VPS8: variants seen among roughly 807,000 people sequenced by gnomAD.
The protein encoded by VPS8 is vacuolar protein sorting-associated protein 8 homolog.
VPS8 carries 129 observed loss-of-function variants against 216.4 expected under a neutral mutation model. The observed-to-expected ratio is 0.60, with a 90% CI of 0.52 to 0.69. The LOEUF (loss-of-function observed/expected upper bound fraction) is 0.69. Ranked by LOEUF, VPS8 falls within the 30% of genes least tolerant of loss-of-function variation. The probability of loss-of-function intolerance (pLI) is 0.00; values close to 1 mark genes in which losing one functional copy is unlikely to be tolerated. For missense variants in VPS8, 1,531 were observed against 1,683.5 expected (o/e 0.91, Z 1.59); for synonymous variants, 571 against 565.4 (o/e 1.01, Z -0.14).
chr3:184,944,866 G>A (rs1275278644), intron 36 of VPS8, among the ~76,000 whole-genome samples: 30 of 152,106 alleles, frequency 2.0e-4, no homozygotes, highest in Admixed American at 2.0e-3. Context: ...CAGTGTTGCT[G>A]TGGATATTTT....
intron 42 of VPS8, among the ~76,000 whole-genome samples, chr3:184,989,610 T>C (rs1751600417): frequency 1.3e-5 from 2 of 152,180 alleles, no homozygotes; most frequent in African/African-American, 4.8e-5. Context: ...ATACCTGGGA[T>C]AAATCCCACT....
At chr3:184,892,927 C>G (rs769544420) in intron 22 of VPS8, among the ~76,000 whole-genome samples, 3 of 152,126 alleles carry the variant, frequency 2.0e-5, no homozygotes, top group Non-Finnish European at 4.4e-5. Context: ...TTCTTTGAAT[C>G]ATTGGTTATC....
In VPS8 at chr3:184,855,802, T is replaced by A; in HGVS notation, c.1127T>A (p.Val376Asp). 1 of 1,612,854 alleles carries A rather than the reference T, an allele frequency of 6.2e-7. No homozygotes were observed. The highest frequency in any genetic ancestry group is 8.5e-7 in the Non-Finnish European group (1 of 1,179,470). Residue 376 changes from valine (V) to aspartate (D), a missense_variant, in exon 14 of 48, where the codon GTT becomes GAT. Physicochemically the swap from Val to Asp is radical, Grantham distance 152. Coordinates refer to ENST00000625842, the MANE Select transcript of VPS8 (RefSeq NM_001009921.3). The stretch of plus-strand genomic sequence containing the variant: ...ATGCTTGCCTTCTGCAGAGGAGATG[T>A]TGTTCATTTTCTATTGGTAAGTCCT... ...NPMLAFCRGD[V>D]VHFLLVKRDE...
intron 42 of VPS8, among the ~76,000 whole-genome samples, chr3:184,988,133 CAG>C (rs1428344494): frequency 2.0e-5 from 3 of 152,206 alleles, no homozygotes; most frequent in Non-Finnish European, 2.9e-5. Context: ...ATTCTCTTAA[CAG>C]TGTGTTTCAC....
intron 1 of VPS8, among the ~76,000 whole-genome samples, chr3:184,820,368 CTT>C (rs1717311384): frequency 6.6e-6 from 1 of 152,174 alleles, no homozygotes; most frequent in Admixed American, 6.5e-5. Flanking sequence ...TGTCACATCT[CTT>C]TCTCTGGCGT....
In VPS8 at chr3:185,052,149, G is replaced by A. The variant is rs1175434970; in HGVS notation, c.*124G>A. On this transcript the variant is annotated 3_prime_UTR_variant, in exon 48 of 48. Coordinates refer to ENST00000625842, the MANE Select transcript of VPS8 (RefSeq NM_001009921.3). ...GCTTCTGAGAAGAGGTTCCAAATTG[G>A]GCTTCTGTGCCCAGAGCGTCCACAG... 2 of 1,161,656 alleles carry A rather than the reference G, an allele frequency of 1.7e-6. No homozygotes were observed. The highest frequency in any genetic ancestry group is 2.3e-6 in the Non-Finnish European group (2 of 854,574). The allele number at this position is 1,161,656 out of a possible 1,614,324, so 72.0% of individuals were successfully genotyped here. A position where few individuals can be genotyped will look rare whatever the true frequency, so the allele number is the denominator to read the frequency against.
chr3:184,927,750 C>T (rs1739928228), intron 31 of VPS8, among the ~76,000 whole-genome samples: 1 of 152,144 alleles, frequency 6.6e-6, no homozygotes, highest in Admixed American at 6.5e-5. Flanking sequence ...TTTTCTCCTC[C>T]CCAGCCCTTA....
At chr3:184,841,177 A>G (rs1039567221) in intron 7 of VPS8, among the ~76,000 whole-genome samples, 1 of 152,218 alleles carries the variant, frequency 6.6e-6, no homozygotes, top group African/African-American at 2.4e-5. Context: ...GTTGATATAT[A>G]GTCATAGTAG....
intron 43 of VPS8, among the ~76,000 whole-genome samples, chr3:184,995,675 G>A (rs1752521409): frequency 6.6e-6 from 1 of 152,150 alleles, no homozygotes; most frequent in Non-Finnish European, 1.5e-5. Flanking sequence ...ATGAGATACA[G>A]TACAAAAACA....
intron 46 of VPS8, among the ~76,000 whole-genome samples, chr3:185,036,931 T>C (rs1320398669): frequency 6.6e-6 from 1 of 152,130 alleles, no homozygotes; most frequent in African/African-American, 2.4e-5. Context: ...TATATTACAT[T>C]TCTACATATT....
At chr3:184,898,425 G>A (rs1338867505) in intron 23 of VPS8, 140 bp from the exon 24 acceptor site, 13 of 692,790 alleles carry the variant, frequency 1.9e-5, no homozygotes, top group Admixed American at 5.8e-5. Flanking sequence ...TTGTGTTTGA[G>A]TACTTGAATT....
chr3:184,884,926 TCCTCCTG>T (rs1040454037), intron 21 of VPS8, among the ~76,000 whole-genome samples: 1 of 152,210 alleles, frequency 6.6e-6, no homozygotes, highest in Non-Finnish European at 1.5e-5. Flanking sequence ...TCTAGGGAAG[TCCTCCTG>T]CCACCAACTC....
intron 37 of VPS8, among the ~76,000 whole-genome samples, chr3:184,962,558 T>C (rs1406146034): frequency 6.6e-6 from 1 of 152,180 alleles, no homozygotes; most frequent in South Asian, 2.1e-4. Context: ...TTCTGTTGAG[T>C]TTCTGTGTTT....
chr3:184,891,312 G>A (rs759252981), intron 22 of VPS8, among the ~76,000 whole-genome samples: 2 of 152,082 alleles, frequency 1.3e-5, no homozygotes, highest in Non-Finnish European at 2.9e-5. Context: ...GTTCACTCAT[G>A]TTGTTCAACA....
At position 184,930,566 on chromosome 3, in the gene VPS8, G is replaced by A; in HGVS notation, c.2896G>A (p.Glu966Lys). 1.2e-6 allele frequency: 2 copies of A among 1,610,988 alleles called. No individual in the cohort carries two copies. The highest frequency in any genetic ancestry group is 1.7e-6 in the Non-Finnish European group (2 of 1,177,264). Residue 966 changes from glutamate to lysine, a missense_variant and splice_region_variant, in exon 34 of 48, where the codon GAG becomes AAG. Physicochemically the swap from Glu to Lys is moderately conservative, Grantham distance 56. Coordinates refer to ENST00000625842, the MANE Select transcript of VPS8 (RefSeq NM_001009921.3). ...SVWQKAMDHIEELVSLKPCKA... is the reference protein window; with the variant it reads ...SVWQKAMDHIKELVSLKPCKA... ...ATGGCAGAAAGCAATGGATCATATT[G>A]AGGTACTGATGCGCAAAACTTCACA...
intron 37 of VPS8, among the ~76,000 whole-genome samples, chr3:184,961,274 A>AT (rs1746458100): frequency 6.6e-6 from 1 of 152,092 alleles, no homozygotes; most frequent in Non-Finnish European, 1.5e-5. Flanking sequence ...TTTAACATTT[A>AT]TTTTTCAGCT....
intron 45 of VPS8, among the ~76,000 whole-genome samples, chr3:185,001,593 GT>G (rs202065796): frequency 3.4e-5 from 5 of 145,442 alleles, no homozygotes; most frequent in African/African-American, 7.7e-5. Flanking sequence ...CCATTTACAG[GT>G]TTTTTTTGGA....
intron 25 of VPS8, among the ~76,000 whole-genome samples, chr3:184,908,409 T>TC (rs1735877207): frequency 6.6e-6 from 1 of 152,170 alleles, no homozygotes; most frequent in Non-Finnish European, 1.5e-5. Flanking sequence ...GGCTGGCCAC[T>TC]CCAAGTGCTG....
intron 25 of VPS8, among the ~76,000 whole-genome samples, chr3:184,906,134 GTCT>G (rs1735448962): frequency 6.6e-6 from 1 of 152,014 alleles, no homozygotes; most frequent in African/African-American, 2.4e-5. Context: ...TTGATATGTT[GTCT>G]TCATTTTCAT....
Sources: gnomAD v4.1 joint callset for allele counts (sites outside exome capture counted in the v4.1 genomes callset) on GRCh38, gnomAD v4.1.1 for gene constraint, MANE v1.5 for transcripts, NCBI Gene and HGNC (gene_info 2026-07-23, HGNC 2026-07-21) for gene names.